VEZT: variants seen among roughly 807,000 people sequenced by gnomAD.
The protein encoded by VEZT is vezatin.
VEZT carries 39 observed loss-of-function variants against 79.9 expected under a neutral mutation model. The ratio of observed to expected loss-of-function variants is 0.49; its 90% CI spans 0.38 to 0.64. The LOEUF is 0.64. VEZT is among the 30% of genes least tolerant of loss of function. VEZT has a pLI of 0.00. For missense variants in VEZT, 837 were observed against 893.1 expected (o/e 0.94, Z 0.80); for synonymous variants, 325 against 327.6 (o/e 0.99, Z 0.09).
At chr12:95,297,662 C>G (rs1271486550) in intron 11 of VEZT, among the ~76,000 whole-genome samples, 1 of 152,148 alleles carries the variant, frequency 6.6e-6, no homozygotes, top group Non-Finnish European at 1.5e-5. Context: ...TGGTTTCTCC[C>G]TTTCTTATTG....
At chr12:95,243,716 G>C (rs2061347680) in intron 1 of VEZT, among the ~76,000 whole-genome samples, 1 of 152,288 alleles carries the variant, frequency 6.6e-6, no homozygotes, top group South Asian at 2.1e-4. Flanking sequence ...TAAGAGGTAG[G>C]ACCTAATGGG....
At chr12:95,299,399 C>T (rs1469476701) in intron 11 of VEZT, 1 of 152,578 alleles carries the variant, frequency 6.6e-6, no homozygotes, top group African/African-American at 2.4e-5. Flanking sequence ...CTGCATTTTC[C>T]TTGCAAGGAC....
chr12:95,263,951 A>AG (rs1593641660), intron 4 of VEZT, among the ~76,000 whole-genome samples: 2 of 152,360 alleles, frequency 1.3e-5, no homozygotes, highest in East Asian at 1.9e-4. Context: ...AGAAAAAAAA[A>AG]GAATGTGTAG....
chr12:95,286,796 GT>G, intron 8 of VEZT: 1 of 471,292 alleles, frequency 2.1e-6, no homozygotes, highest in Non-Finnish European at 4.2e-6. Context: ...TTTCCATTCT[GT>G]TTCTTTCCCA....
chr12:95,243,398 C>CTCAGCT (rs141078164), intron 1 of VEZT, among the ~76,000 whole-genome samples: 16,542 of 150,028 alleles, frequency 0.11, 1,222 homozygotes, highest in Non-Finnish European at 0.16. Flanking sequence ...TTACCCATCA[C>CTCAGCT]TCAGCTTCAG....
intron 11 of VEZT, 72 bp downstream of exon 11, chr12:95,296,330 A>G (rs2074126631): frequency 7.1e-7 from 1 of 1,412,336 alleles, no homozygotes; most frequent in Admixed American, 2.6e-5. Flanking sequence ...CATGAATGTT[A>G]TTTTAGCTGA....
chr12:95,284,622 T>C (rs75508588), intron 8 of VEZT, among the ~76,000 whole-genome samples: 2,252 of 152,330 alleles, frequency 0.015, 35 homozygotes, highest in Non-Finnish European at 0.02. Flanking sequence ...TTCTCATTCC[T>C]TTCCTTCAGT....
chr12:95,296,363 G>C (rs563682272), intron 11 of VEZT, 105 bp downstream of exon 11: 1 of 1,100,846 alleles, frequency 9.1e-7, no homozygotes, highest in Non-Finnish European at 1.3e-6. Flanking sequence ...GTTTTATAAG[G>C]GTCCACCAGT....
chr12:95,289,417 C>CAAAAAAAAAAAAAA, intron 9 of VEZT, among the ~76,000 whole-genome samples: 1 of 69,464 alleles, frequency 1.4e-5, no homozygotes, highest in Non-Finnish European at 2.6e-5. Flanking sequence ...ACTCTTGTCT[C>CAAAAAAAAAAAAAA]AAAAAAAAAA....
intron 7 of VEZT, among the ~76,000 whole-genome samples, chr12:95,279,449 G>A (rs1002171632): frequency 2.5e-4 from 38 of 152,134 alleles, no homozygotes; most frequent in African/African-American, 9.2e-4. Context: ...ATTGTGAAAT[G>A]CTTTAAATCA....
intron 1 of VEZT, among the ~76,000 whole-genome samples, chr12:95,235,672 A>G (rs1254647937): frequency 9.5e-6 from 1 of 104,764 alleles, no homozygotes; most frequent in South Asian, 3.4e-4. Context: ...CGGGGGGCTG[A>G]CCCCCACCTC....
intron 3 of VEZT, 50 bp from the exon 4 acceptor site, chr12:95,262,856 G>A: frequency 7.0e-7 from 1 of 1,418,602 alleles, no homozygotes; most frequent in South Asian, 1.7e-5. Context: ...AGCGTTTAAT[G>A]CAATATTATA....
intron 6 of VEZT, among the ~76,000 whole-genome samples, chr12:95,272,956 C>T (rs1160241304): frequency 1.3e-5 from 2 of 152,110 alleles, no homozygotes; most frequent in African/African-American, 4.8e-5. Context: ...CCATTTTGCC[C>T]AGGTTGGTCT....
At chr12:95,247,557 G>T (rs2061891894) in intron 1 of VEZT, among the ~76,000 whole-genome samples, 1 of 151,758 alleles carries the variant, frequency 6.6e-6, no homozygotes, top group Non-Finnish European at 1.5e-5. Context: ...AAAATAATAA[G>T]TTTTTTTTAA....
At chr12:95,281,096 T>G (rs963112512) in intron 7 of VEZT, among the ~76,000 whole-genome samples, 2 of 152,232 alleles carry the variant, frequency 1.3e-5, no homozygotes, top group African/African-American at 4.8e-5. Context: ...TCATCCTCTT[T>G]TTATTCCCTG....
Position 95,245,733 on chromosome 12 carries a change from G to A in VEZT, c.37-6207G>A, listed in dbSNP as rs143078354. 3.2e-3 allele frequency among the ~76,000 whole-genome samples: 490 copies of A among 152,282 alleles called. 7 individuals are homozygous for A. Among genetic ancestry groups the A allele is most frequent in the African/African-American group, 0.011 (476 of 41,548 alleles). Reference sequence around the variant, plus strand: ...AACTGCTCATGCTTATAATCCCAGTGACTCAGGAGGCTGAGGCAGGAGGAT... The same window carrying A: ...AACTGCTCATGCTTATAATCCCAGTAACTCAGGAGGCTGAGGCAGGAGGAT... On this transcript the variant is annotated intron_variant, in intron 1 of 11. Transcript: ENST00000436874.
rs529961383 is a variant in VEZT, at chr12:95,217,830, C to A, written c.-21C>A. 6.5e-7 allele frequency: 1 copy of A among 1,545,420 alleles called. No homozygotes were observed. The highest frequency in any genetic ancestry group is 2.1e-5 in the Admixed American group (1 of 46,854). On this transcript the variant is annotated 5_prime_UTR_variant, in exon 1 of 12. Coordinates refer to ENST00000436874, the MANE Select transcript of VEZT (RefSeq NM_017599.4). ...GCCTTCATTTCCCATCGTGCTGAGGCGGGTGGCATGGCGGAGAAGGATGAC... is the reference window on the plus strand; with the variant it reads ...GCCTTCATTTCCCATCGTGCTGAGGAGGGTGGCATGGCGGAGAAGGATGAC...
At chr12:95,294,814 CTATT>C (rs1042689836) in intron 10 of VEZT, among the ~76,000 whole-genome samples, 1 of 152,134 alleles carries the variant, frequency 6.6e-6, no homozygotes, top group Non-Finnish European at 1.5e-5. Flanking sequence ...GTCATATTAT[CTATT>C]CAGTATTTTT....
chr12:95,298,743 T>C (rs2074717157), intron 11 of VEZT: 1 of 152,262 alleles, frequency 6.6e-6, no homozygotes, highest in Admixed American at 6.5e-5. Context: ...AATTGTGAAC[T>C]ATCAACCAAC....
Sources: gnomAD v4.1 joint callset for allele counts (sites outside exome capture counted in the v4.1 genomes callset) on GRCh38, gnomAD v4.1.1 for gene constraint, MANE v1.5 for transcripts, NCBI Gene and HGNC (gene_info 2026-07-23, HGNC 2026-07-21) for gene names.